NTM: variants seen among roughly 807,000 people sequenced by gnomAD.
NTM encodes the protein neurotrimin, also known as IgLON family member 2.
In NTM, 13 loss-of-function variants were observed where a neutral mutation model predicts 42.1. That is an observed-to-expected ratio of 0.31 (90% CI 0.20 to 0.49). The LOEUF is 0.49. NTM is among the 20% of genes least tolerant of loss of function. The probability of loss-of-function intolerance (pLI) is 0.99; values close to 1 mark genes in which losing one functional copy is unlikely to be tolerated. For synonymous variants in NTM, 187 were observed against 179.2 expected (o/e 1.04, Z -0.35); for missense variants, 373 against 452.8 (o/e 0.82, Z 1.60).
At chr11:131,814,481 C>T (rs1363452155) in intron 1 of NTM, among the ~76,000 whole-genome samples, 1 of 152,148 alleles carries the variant, frequency 6.6e-6, no homozygotes, top group Non-Finnish European at 1.5e-5. Context: ...GTTCTGGAAC[C>T]TTTCCATACG....
intron 1 of NTM, among the ~76,000 whole-genome samples, chr11:131,822,974 C>T (rs1384401921): frequency 6.6e-6 from 1 of 152,052 alleles, no homozygotes; most frequent in African/African-American, 2.4e-5. Flanking sequence ...CCTTCTGTCT[C>T]CCTCCCTTCC....
intron 1 of NTM, among the ~76,000 whole-genome samples, chr11:131,848,831 A>G (rs2136780497): frequency 6.6e-6 from 1 of 152,284 alleles, no homozygotes; most frequent in Middle Eastern, 3.4e-3. Context: ...TAATTACATC[A>G]TAGTGCAAGT....
chr11:131,687,116 T>G (rs1010138846), intron 1 of NTM, among the ~76,000 whole-genome samples: 5 of 152,178 alleles, frequency 3.3e-5, no homozygotes, highest in Admixed American at 3.3e-4. Context: ...AGGTCAGGGC[T>G]CAGTCCCAGG....
chr11:131,979,886 T>C (rs1335233125), intron 2 of NTM, among the ~76,000 whole-genome samples: 1 of 152,212 alleles, frequency 6.6e-6, no homozygotes, highest in Non-Finnish European at 1.5e-5. Flanking sequence ...TTTGTGAATA[T>C]GTAGGGCCAT....
intron 2 of NTM, among the ~76,000 whole-genome samples, chr11:132,106,075 AAT>A (rs2062340526): frequency 6.6e-6 from 1 of 152,206 alleles, no homozygotes; most frequent in Admixed American, 6.5e-5. Flanking sequence ...AAGTCAGTGA[AAT>A]AGTGAGGTTC....
intron 1 of NTM, among the ~76,000 whole-genome samples, chr11:131,490,673 A>G (rs1954684644): frequency 6.6e-6 from 1 of 152,222 alleles, no homozygotes; most frequent in Non-Finnish European, 1.5e-5. Flanking sequence ...TGGAAGAGGC[A>G]CTAAGAAGAT....
chr11:132,134,295 T>C (rs1195609326), intron 2 of NTM, among the ~76,000 whole-genome samples: 1 of 152,154 alleles, frequency 6.6e-6, no homozygotes, highest in East Asian at 1.9e-4. Context: ...TTTATTCAGC[T>C]GATCTTTTGT....
intron 1 of NTM, among the ~76,000 whole-genome samples, chr11:131,486,290 C>A (rs10894404): frequency 0.31 from 47,735 of 152,012 alleles, 7,884 homozygotes; most frequent in Admixed American, 0.39. Context: ...CTGATTCATG[C>A]TACCAGAAAG....
intron 1 of NTM, among the ~76,000 whole-genome samples, chr11:131,801,440 C>T (rs1367027805): frequency 6.6e-6 from 1 of 152,132 alleles, no homozygotes; most frequent in Non-Finnish European, 1.5e-5. Flanking sequence ...TTGTATTTCT[C>T]CTGAGGAAGC....
At chr11:131,964,788 T>C (rs2062623836) in intron 2 of NTM, among the ~76,000 whole-genome samples, 1 of 152,168 alleles carries the variant, frequency 6.6e-6, no homozygotes, top group Admixed American at 6.5e-5. Context: ...ATTCCACATT[T>C]TAATGCAGTA....
At chr11:132,292,247 G>T (rs2094471295) in intron 4 of NTM, among the ~76,000 whole-genome samples, 1 of 151,998 alleles carries the variant, frequency 6.6e-6, no homozygotes, top group African/African-American at 2.4e-5. Flanking sequence ...GAAGTGAAGG[G>T]GTTGAGGATA....
chr11:131,886,207 A>G (rs2050364115), intron 1 of NTM, among the ~76,000 whole-genome samples: 1 of 152,152 alleles, frequency 6.6e-6, no homozygotes. Context: ...CTTTCTAGCC[A>G]TCCTTCCCTG....
At chr11:131,618,524 C>T (rs11222717) in intron 1 of NTM, among the ~76,000 whole-genome samples, 2,524 of 152,226 alleles carry the variant, frequency 0.017, 28 homozygotes, top group South Asian at 0.048. Flanking sequence ...CTTGGGGCTC[C>T]TATTTGACTC....
chr11:131,494,472 A>G (rs1955128187), intron 1 of NTM, among the ~76,000 whole-genome samples: 1 of 152,250 alleles, frequency 6.6e-6, no homozygotes, highest in Non-Finnish European at 1.5e-5. Context: ...GAAGTTAGCC[A>G]GGCAAATACA....
At chr11:131,877,323 CT>C (rs1388079269) in intron 1 of NTM, among the ~76,000 whole-genome samples, 6 of 152,194 alleles carry the variant, frequency 3.9e-5, no homozygotes, top group African/African-American at 1.4e-4. Flanking sequence ...CCCACGTTGG[CT>C]TTTCTCGCCT....
chr11:131,982,689 A>G (rs2065439892), intron 2 of NTM, among the ~76,000 whole-genome samples: 2 of 152,224 alleles, frequency 1.3e-5, no homozygotes, highest in Admixed American at 6.5e-5. Flanking sequence ...TTTAAAAAGC[A>G]GTGATTTAGG....
intron 2 of NTM, among the ~76,000 whole-genome samples, chr11:132,018,038 A>G (rs1351133490): frequency 6.6e-6 from 1 of 151,882 alleles, no homozygotes; most frequent in Non-Finnish European, 1.5e-5. Flanking sequence ...AGAATTTTCC[A>G]TATCCAGAGT....
At chr11:132,331,820 G>C (rs985827468) in intron 8 of NTM, among the ~76,000 whole-genome samples, 1 of 152,178 alleles carries the variant, frequency 6.6e-6, no homozygotes, top group African/African-American at 2.4e-5. Flanking sequence ...GAGTGATATG[G>C]GTGAGACATA....
chr11:131,910,262 T>TATGC (rs1195686273), intron 1 of NTM, among the ~76,000 whole-genome samples: 1 of 152,226 alleles, frequency 6.6e-6, no homozygotes, highest in Admixed American at 6.5e-5. Flanking sequence ...AAGGTGCATG[T>TATGC]ATGCATGCTG....
Sources: allele counts gnomAD v4.1 joint callset (sites outside exome capture counted in the v4.1 genomes callset), GRCh38; gene constraint gnomAD v4.1.1; transcripts MANE v1.5; gene names NCBI Gene and HGNC (gene_info 2026-07-23, HGNC 2026-07-21).